Variants in SLC6A11 observed in about 807,000 individuals in gnomAD.
The protein encoded by SLC6A11 is solute carrier family 6 member 11.
A neutral mutation model predicts 74.8 loss-of-function variants in SLC6A11; 25 were observed. The ratio of observed to expected loss-of-function variants is 0.33; its 90% CI spans 0.24 to 0.47. The LOEUF (loss-of-function observed/expected upper bound fraction) is 0.47. SLC6A11 is among the 20% of genes least tolerant of loss of function. The probability of loss-of-function intolerance (pLI) is 1.00; values close to 1 mark genes in which losing one functional copy is unlikely to be tolerated. For missense variants in SLC6A11, 574 were observed against 837.0 expected, an observed-to-expected ratio of 0.69 and a Z score of 3.88; for synonymous variants, 330 against 330.2, an observed-to-expected ratio of 1.00 and a Z score of 0.01.
rs114427583 is a variant in SLC6A11, at chr3:10,919,452, T to C, written c.1120+999T>C. Among the ~76,000 whole-genome samples, 1,185 of 152,230 alleles carry C rather than the reference T, an allele frequency of 7.8e-3. 11 individuals carry two copies. The highest frequency in any genetic ancestry group is 0.027 in the African/African-American group (1,121 of 41,542). ...TCAAGGCCAGTCCTGCCCCAACTCATTGTGACAACTGACCCACCTCCCTCT... is the reference window on the plus strand; with the variant it reads ...TCAAGGCCAGTCCTGCCCCAACTCACTGTGACAACTGACCCACCTCCCTCT... On this transcript the variant is annotated intron_variant, in intron 8 of 13. Coordinates refer to ENST00000254488, the MANE Select transcript of SLC6A11 (RefSeq NM_014229.3).
Position 10,823,352 on chromosome 3 carries a change from T to A in SLC6A11, c.583T>A (p.Ser195Thr), listed in dbSNP as rs1694162230. The A allele has an allele frequency of 6.2e-7, 1 of 1,613,852 alleles. No homozygotes were observed. Among genetic ancestry groups the A allele is most frequent in the Non-Finnish European group, 8.5e-7 (1 of 1,179,842 alleles). ...KLNVSNYSHVSLQNATSPVME... is the reference protein window; with the variant it reads ...KLNVSNYSHVTLQNATSPVME... ...GAATGTGAGCAACTACAGCCATGTG[T>A]CTCTGCAGAATGCCACCTCCCCTGT... Residue 195 changes from serine (S) to threonine (T), a missense_variant, in exon 4 of 14, where the codon TCT becomes ACT. Coordinates refer to ENST00000254488, the MANE Select transcript of SLC6A11 (RefSeq NM_014229.3).
At chr3:10,820,883 T>C (rs1694130152) in intron 3 of SLC6A11, among the ~76,000 whole-genome samples, 1 of 152,150 alleles carries the variant, frequency 6.6e-6, no homozygotes, top group Non-Finnish European at 1.5e-5. Context: ...TGTGTTTAGA[T>C]TGTGTCTGGA....
rs200922963 is a variant in SLC6A11, at chr3:10,925,996, C to T, written c.1121-8C>T. On this transcript the variant is annotated splice_polypyrimidine_tract_variant and splice_region_variant and intron_variant, in intron 8 of 13. Transcript: ENST00000254488. The stretch of plus-strand genomic sequence containing the variant: ...ACCCAGTGGCTTTCTCTCTCTCCCT[C>T]GCTCCAGGCCCCGGCCTGGCCTTTA... 4.5e-6 allele frequency: 7 copies of T among 1,554,196 alleles called. No homozygotes were observed. The highest frequency in any genetic ancestry group is 1.7e-4 in the Middle Eastern group (1 of 5,930).
At chr3:10,876,797 CA>C (rs1694914615) in intron 6 of SLC6A11, among the ~76,000 whole-genome samples, 2 of 107,582 alleles carry the variant, frequency 1.9e-5, no homozygotes, top group African/African-American at 8.0e-5. Flanking sequence ...AAAAAAAAAA[CA>C]AACGAGAACT....
At chr3:10,860,324 T>C (rs1694688343) in intron 5 of SLC6A11, among the ~76,000 whole-genome samples, 1 of 152,198 alleles carries the variant, frequency 6.6e-6, no homozygotes. Context: ...GGAAACTACA[T>C]TGCAGCTGCC....
At chr3:10,923,926 A>T (rs1396253570) in intron 8 of SLC6A11, among the ~76,000 whole-genome samples, 1 of 152,192 alleles carries the variant, frequency 6.6e-6, no homozygotes. Context: ...TAGCCAAAAG[A>T]TGCACAACCT....
At chr3:10,930,069 T>C (rs1169914041) in intron 10 of SLC6A11, among the ~76,000 whole-genome samples, 1 of 152,156 alleles carries the variant, frequency 6.6e-6, no homozygotes, top group Non-Finnish European at 1.5e-5. Flanking sequence ...GTAAGAAACA[T>C]GGAAAGAAAT....
chr3:10,913,266 ATAAT>A (rs1455269825), intron 7 of SLC6A11, among the ~76,000 whole-genome samples: 1 of 152,214 alleles, frequency 6.6e-6, no homozygotes, highest in African/African-American at 2.4e-5. Context: ...AACATCAAAA[ATAAT>A]TAAAGAAATC....
rs142753528 is a variant in SLC6A11 at position 10,885,108 on chromosome 3, G to A, written c.891+10013G>A. 7.2e-5 allele frequency among the ~76,000 whole-genome samples: 11 copies of A among 152,298 alleles called. No individual in the cohort carries two copies. In the East Asian group the frequency reaches 2.1e-3, roughly 29 times the overall value. On this transcript the variant is annotated intron_variant, in intron 6 of 13. Coordinates refer to ENST00000254488, the MANE Select transcript of SLC6A11 (RefSeq NM_014229.3). ...CTCACATGGCAGACCAAGGGAGCTTGTTAAAAGGGATCCTGGATCGTACAA... is the reference window on the plus strand; with the variant it reads ...CTCACATGGCAGACCAAGGGAGCTTATTAAAAGGGATCCTGGATCGTACAA...
intron 3 of SLC6A11, among the ~76,000 whole-genome samples, chr3:10,821,895 A>G (rs1266055326): frequency 6.6e-6 from 1 of 152,140 alleles, no homozygotes; most frequent in African/African-American, 2.4e-5. Context: ...CTCCAGAAAA[A>G]GGCACAGGAC....
chr3:10,816,547 A>AGGGGGCGCCAACCGCCCGGT lies in SLC6A11; in HGVS notation c.256+34_256+53dup. 6.7e-7 allele frequency: 1 copy of AGGGGGCGCCAACCGCCCGGT among 1,494,482 alleles called. No homozygotes were observed. Among genetic ancestry groups the AGGGGGCGCCAACCGCCCGGT allele is most frequent in the Non-Finnish European group, 9.0e-7 (1 of 1,112,220 alleles). 92.6% of individuals were successfully genotyped at this position (1,494,482 alleles called of 1,614,324 possible). ...GTGAGGTGATAGTGAGGAGAAGGGGAGGGGGCGCCAACCGCCCGGTGGGGG... is the reference window on the plus strand; with the variant it reads ...GTGAGGTGATAGTGAGGAGAAGGGGAGGGGGCGCCAACCGCCCGGTGGGGGCGCCAACCGCCCGGTGGGGG... On this transcript the variant is annotated intron_variant, in intron 1 of 13. Transcript: ENST00000254488. The surrounding 1 kb of genome is among the most constrained non-coding windows in gnomAD (Gnocchi z 4.2).
chr3:10,898,657 T>C (rs986912708), intron 6 of SLC6A11, among the ~76,000 whole-genome samples: 1 of 152,258 alleles, frequency 6.6e-6, no homozygotes, highest in Non-Finnish European at 1.5e-5. Flanking sequence ...ATCCGCATTT[T>C]TGTCAAAGCC....
intron 10 of SLC6A11, 84 bp from the exon 11 acceptor site, chr3:10,933,067 G>C (rs2124821943): frequency 1.1e-6 from 1 of 902,796 alleles, no homozygotes; most frequent in East Asian, 2.4e-5. Context: ...CAGAGAGAGG[G>C]ACCTTCCTGA....
chr3:10,915,375 GGGT>G lies in SLC6A11; in HGVS notation c.996-2951_996-2949del, dbSNP rs1181853425. Among the ~76,000 whole-genome samples the G allele has an allele frequency of 6.6e-6, 1 of 152,184 alleles. No homozygotes were observed. The highest frequency in any genetic ancestry group is 2.4e-5 in the African/African-American group (1 of 41,440). On this transcript the variant is annotated intron_variant, in intron 7 of 13. Coordinates refer to ENST00000254488, the MANE Select transcript of SLC6A11 (RefSeq NM_014229.3). This position sits in a 1 kb window ranked among gnomAD's most constrained non-coding sequence, Gnocchi z 4.3. ...ATCAGCAGAAGAAAGCAAATCCCCT[GGGT>G]GGCAATGCAAAAATTAGAAAATTCA...
At chr3:10,839,697 T>A (rs770668046) in intron 4 of SLC6A11, among the ~76,000 whole-genome samples, 3 of 152,218 alleles carry the variant, frequency 2.0e-5, no homozygotes, top group Non-Finnish European at 4.4e-5. Context: ...CTTTTCTGGG[T>A]GGCATTCGGA....
At chr3:10,850,329 A>G (rs1001628361) in intron 5 of SLC6A11, among the ~76,000 whole-genome samples, 2 of 152,194 alleles carry the variant, frequency 1.3e-5, no homozygotes, top group Non-Finnish European at 2.9e-5. Context: ...TTCACTTGCT[A>G]GAGAGGTTGC....
chr3:10,886,031 C>T (rs2106612314), intron 6 of SLC6A11, among the ~76,000 whole-genome samples: 1 of 152,324 alleles, frequency 6.6e-6, no homozygotes, highest in Admixed American at 6.5e-5. Context: ...GCATGCTATG[C>T]TCAGACTCAG....
At chr3:10,907,193 A>G (rs1020151857) in intron 6 of SLC6A11, among the ~76,000 whole-genome samples, 1 of 152,226 alleles carries the variant, frequency 6.6e-6, no homozygotes. Context: ...CAAAAATACT[A>G]TTTAAAAAGA....
intron 6 of SLC6A11, among the ~76,000 whole-genome samples, chr3:10,902,521 G>A (rs959311409): frequency 2.0e-5 from 3 of 152,234 alleles, no homozygotes; most frequent in African/African-American, 7.2e-5. Flanking sequence ...TAAAGGGATG[G>A]TACCAGGTAC....
Sources: gnomAD v4.1 joint callset for allele counts (sites outside exome capture counted in the v4.1 genomes callset) on GRCh38, gnomAD v4.1.1 for gene constraint, Gnocchi (gnomAD v3.1) non-coding constraint, MANE v1.5 for transcripts, NCBI Gene and HGNC (gene_info 2026-07-23, HGNC 2026-07-21) for gene names.